Variants in AP2A1 observed in about 807,000 individuals in gnomAD.
The protein encoded by AP2A1 is AP-2 complex subunit alpha-1.
Under a neutral mutation model 107.3 loss-of-function variants are expected in AP2A1, and 21 were observed. The ratio of observed to expected loss-of-function variants is 0.20; its 90% CI spans 0.14 to 0.28. The LOEUF is 0.28. Among genes scored for constraint, AP2A1 ranks in the 10% least tolerant of loss-of-function variants. The pLI is 1.00. For missense variants in AP2A1, 873 were observed against 1,307.7 expected (o/e 0.67, Z 5.13); for synonymous variants, 602 against 564.8 (o/e 1.07, Z -0.93).
At chr19:49,803,702 CAG>C in intron 18 of AP2A1, 1 of 400,498 alleles carries the variant, frequency 2.5e-6, no homozygotes, top group South Asian at 2.2e-5. Context: ...CGCCTGCACT[CAG>C]GAGCCAGGCC....
At chr19:49,770,460 G>T (rs990344425) in intron 1 of AP2A1, among the ~76,000 whole-genome samples, 1 of 152,158 alleles carries the variant, frequency 6.6e-6, no homozygotes, top group African/African-American at 2.4e-5. Flanking sequence ...CCTCCATGAA[G>T]CTCCCAGCCC....
chr19:49,770,635 G>A (rs2084546924), intron 1 of AP2A1, among the ~76,000 whole-genome samples: 1 of 152,132 alleles, frequency 6.6e-6, no homozygotes, highest in Non-Finnish European at 1.5e-5. Flanking sequence ...ATATTACCGG[G>A]CCTTAAAAAA....
intron 6 of AP2A1, among the ~76,000 whole-genome samples, chr19:49,793,860 G>C (rs1271203214): frequency 6.8e-6 from 1 of 146,902 alleles, no homozygotes; most frequent in Non-Finnish European, 1.5e-5. Flanking sequence ...CGCAGGCAAA[G>C]AGAAGAACAC....
intron 15 of AP2A1, chr19:49,802,419 C>T (rs759643652): frequency 9.3e-7 from 1 of 1,077,316 alleles, no homozygotes; most frequent in Non-Finnish European, 1.4e-6. Flanking sequence ...TCCTTCTCTC[C>T]TTCCCTCTTC....
At position 49,805,458 on chromosome 19, in the gene AP2A1, G is replaced by A. The variant is rs769681356; in HGVS notation, c.2350G>A (p.Ala784Thr). 2 of 1,540,630 alleles carry A rather than the reference G, an allele frequency of 1.3e-6. No homozygotes were observed. Among genetic ancestry groups the A allele is most frequent in the Admixed American group, 2.0e-5 (1 of 50,290 alleles). ...CCTTGACTCCTGGCGGGCACAGCTG[G>A]CTGTGCAGACCAAGCGCGTGGCGGC... is the stretch of plus-strand genomic sequence containing the variant. The part of the protein sequence containing the change: ...VHPGDLQTQL[A>T]VQTKRVAAQV... Residue 784 changes from alanine to threonine, a missense_variant, in exon 19 of 23, where the codon GCT (alanine) becomes ACT (threonine). Physicochemically the swap from Ala to Thr is moderately conservative, Grantham distance 58 (BLOSUM62 0). Coordinates refer to ENST00000354293, the MANE Select transcript of AP2A1 (RefSeq NM_130787.3).
In AP2A1 at chr19:49,801,507, C is replaced by T. The variant is rs1046948630; in HGVS notation, c.1671C>T (p.Ala557=). 4 of 1,613,788 alleles carry T rather than the reference C, an allele frequency of 2.5e-6. No homozygotes were observed. In the Admixed American group the frequency reaches 6.7e-5, roughly 27 times the overall value. The change falls in exon 13 of 23, where the codon GCC becomes GCT. Residue 557 remains alanine (A), a synonymous_variant. Transcript: ENST00000354293. ...KFINLFPETK[A]TIQGVLRAGS... Reference sequence around the variant, plus strand: ...TCAACCTCTTCCCCGAGACCAAGGCCACCATCCAGGGCGTCCTGCGGGCCG... The same window carrying T: ...TCAACCTCTTCCCCGAGACCAAGGCTACCATCCAGGGCGTCCTGCGGGCCG...
intron 5 of AP2A1, among the ~76,000 whole-genome samples, 194 bp from the exon 6 acceptor site, chr19:49,792,797 G>A (rs747472041): frequency 2.0e-5 from 3 of 152,134 alleles, no homozygotes; most frequent in Non-Finnish European, 2.9e-5. Flanking sequence ...ACCCAGGTCA[G>A]TGCTGGCCAT....
At chr19:49,780,845 C>T (rs2084666807) in intron 1 of AP2A1, among the ~76,000 whole-genome samples, 1 of 152,140 alleles carries the variant, frequency 6.6e-6, no homozygotes, top group South Asian at 2.1e-4. Flanking sequence ...CACTGCACTG[C>T]AGCCTGGGCG....
At chr19:49,802,830 G>A in intron 15 of AP2A1, 119 bp from the exon 16 acceptor site, 2 of 1,235,134 alleles carry the variant, frequency 1.6e-6, no homozygotes, top group Non-Finnish European at 2.3e-6. Flanking sequence ...CTCTGTGAGG[G>A]GTCTGGATAT....
At position 49,806,710 on chromosome 19, in the gene AP2A1, G is replaced by A. The variant is rs886424497; in HGVS notation, c.2820G>A (p.Lys940=). ...ACCGGCTGACCCTGCGCACCAGCAA[G>A]GAGCCCGTCTCCCGTCACCTGTGTG... ...QMYRLTLRTS[K]EPVSRHLCEL... is the part of the protein sequence containing the mutation. Residue 940 remains lysine (K), a synonymous_variant, in exon 23 of 23, where the codon AAG becomes AAA. Transcript: ENST00000354293. 11 of 1,613,304 alleles carry A rather than the reference G, an allele frequency of 6.8e-6. No individual in the cohort carries two copies. Among genetic ancestry groups the A allele is most frequent in the Non-Finnish European group, 7.6e-6 (9 of 1,179,856 alleles).
At chr19:49,799,545 C>G (rs1329743770) in intron 9 of AP2A1, 50 bp downstream of exon 9, 22 of 1,603,678 alleles carry the variant, frequency 1.4e-5, no homozygotes, top group Non-Finnish European at 1.9e-5. Context: ...CTCAGAAAGA[C>G]CAGAGGCTCA....
rs372656597 is a variant in AP2A1 at position 49,782,513 on chromosome 19, C to T, written c.280-18C>T. The T allele has an allele frequency of 6.5e-5, 105 of 1,609,168 alleles. No homozygotes were observed. The highest frequency in any genetic ancestry group is 5.0e-4 in the Middle Eastern group (3 of 6,034). On this transcript the variant is annotated intron_variant, in intron 3 of 22. Coordinates refer to ENST00000354293, the MANE Select transcript of AP2A1 (RefSeq NM_130787.3). ...CAGTCACAAGGCTCCTAGCCATCCA[C>T]GACCTCCCTCCCCACAGGGTTACCT...
intron 1 of AP2A1, among the ~76,000 whole-genome samples, chr19:49,770,474 G>T (rs746178278): frequency 6.6e-6 from 1 of 152,178 alleles, no homozygotes; most frequent in Non-Finnish European, 1.5e-5. Context: ...CCAGCCCTGT[G>T]GGGGAGAAGG....
At chr19:49,799,556 G>A in intron 9 of AP2A1, 61 bp downstream of exon 9, 1 of 1,601,790 alleles carries the variant, frequency 6.2e-7, no homozygotes, top group South Asian at 1.1e-5. Flanking sequence ...CAGAGGCTCA[G>A]AGGCCCTTGG....
At position 49,802,150 on chromosome 19, in the gene AP2A1, C is replaced by G; in HGVS notation, c.2114+9C>G. Reference sequence around the variant, plus strand: ...GAGGAGGCCTTCCTCAGGTAGCACCCCCTGGGCCCGGGCCCCTTCTCGCGG... The same window carrying G: ...GAGGAGGCCTTCCTCAGGTAGCACCGCCTGGGCCCGGGCCCCTTCTCGCGG... On this transcript the variant is annotated intron_variant, in intron 15 of 22. Coordinates refer to ENST00000354293, the MANE Select transcript of AP2A1 (RefSeq NM_130787.3). 6.5e-7 allele frequency: 1 copy of G among 1,549,396 alleles called. No individual in the cohort carries two copies. Among genetic ancestry groups the G allele is most frequent in the South Asian group, 1.2e-5 (1 of 85,280 alleles).
In AP2A1 at chr19:49,799,963, G is replaced by A. The variant is rs1444857271; in HGVS notation, c.1273-5G>A. ...CACACTCTCTCTCACACGCCCCGGC[G>A]GCAGGTCCTGAAGGTGGCCATCCTG... On this transcript the variant is annotated splice_polypyrimidine_tract_variant and splice_region_variant and intron_variant, in intron 10 of 22. Coordinates refer to ENST00000354293, the MANE Select transcript of AP2A1 (RefSeq NM_130787.3). 5 of 1,612,272 alleles carry A rather than the reference G, an allele frequency of 3.1e-6. No individual in the cohort carries two copies. The highest frequency in any genetic ancestry group is 2.2e-5 in the South Asian group (2 of 91,066).
At chr19:49,798,253 G>C (rs750825002) in intron 7 of AP2A1, among the ~76,000 whole-genome samples, 2 of 152,218 alleles carry the variant, frequency 1.3e-5, no homozygotes, top group African/African-American at 4.8e-5. Flanking sequence ...GCTCTGGGGG[G>C]TGAGGGGGCA....
chr19:49,771,129 G>T (rs2084551907), intron 1 of AP2A1, among the ~76,000 whole-genome samples: 1 of 151,780 alleles, frequency 6.6e-6, no homozygotes, highest in African/African-American at 2.4e-5. Flanking sequence ...AGGATTACAG[G>T]TGTGAGCTAC....
At chr19:49,803,784 C>G (rs1029943800) in intron 18 of AP2A1, 1 of 290,730 alleles carries the variant, frequency 3.4e-6, no homozygotes, top group Non-Finnish European at 6.7e-6. Flanking sequence ...CTCCTGTCCC[C>G]GCTGTGAAGT....
Sources: gnomAD v4.1 joint callset for allele counts (sites outside exome capture counted in the v4.1 genomes callset) on GRCh38, gnomAD v4.1.1 for gene constraint, MANE v1.5 for transcripts, NCBI Gene and HGNC (gene_info 2026-07-23, HGNC 2026-07-21) for gene names.